The following CAPN5 variants were observed in gnomAD, a reference collection of about 807,000 sequenced individuals.
CAPN5 encodes calpain 5.
A neutral mutation model predicts 73.0 loss-of-function variants in CAPN5; 54 were observed. That is an observed-to-expected ratio of 0.74 (90% CI 0.59 to 0.93). CAPN5 has a LOEUF of 0.93. Among genes scored for constraint, CAPN5 ranks in the 40% least tolerant of loss-of-function variants. The probability of loss-of-function intolerance (pLI) is 0.00; values close to 1 mark genes in which losing one functional copy is unlikely to be tolerated. For synonymous variants in CAPN5, 335 were observed against 356.9 expected (o/e 0.94, Z 0.69); for missense variants, 785 against 882.9 (o/e 0.89, Z 1.41).
intron 1 of CAPN5, among the ~76,000 whole-genome samples, chr11:77,068,685 C>T (rs1949871318): frequency 6.6e-6 from 1 of 152,168 alleles, no homozygotes; most frequent in Admixed American, 6.5e-5. Context: ...AGAGGGCCCT[C>T]CCTTCTGCTC....
chr11:77,098,321 G>A (rs1480458696), intron 3 of CAPN5, among the ~76,000 whole-genome samples: 1 of 97,808 alleles, frequency 1.0e-5, no homozygotes, highest in African/African-American at 4.0e-5. Context: ...CTGGCCGGGC[G>A]GGGGGCTGAC....
intron 2 of CAPN5, among the ~76,000 whole-genome samples, chr11:77,085,599 G>A (rs1186122520): frequency 6.6e-6 from 1 of 152,198 alleles, no homozygotes. Context: ...CTCACAGCCT[G>A]GCAGCCAGTA....
chr11:77,076,030 G>A (rs528735277), intron 1 of CAPN5, among the ~76,000 whole-genome samples: 2 of 152,204 alleles, frequency 1.3e-5, no homozygotes, highest in African/African-American at 4.8e-5. Flanking sequence ...ATTATCACAC[G>A]CATTACCTCA....
At chr11:77,122,146 T>C in intron 11 of CAPN5, 97 bp downstream of exon 11, 1 of 687,876 alleles carries the variant, frequency 1.5e-6, no homozygotes, top group South Asian at 2.0e-5. Flanking sequence ...TCTCCTGCTC[T>C]CAGAGGCACT....
intron 2 of CAPN5, among the ~76,000 whole-genome samples, chr11:77,088,284 C>A (rs1305331614): frequency 6.6e-6 from 1 of 152,150 alleles, no homozygotes; most frequent in Non-Finnish European, 1.5e-5. Context: ...GGGACTCTTG[C>A]CCATCAAGCC....
rs1233983546 is a variant in CAPN5 at position 77,115,546 on chromosome 11, AC to A, written c.855del (p.Trp286GlyfsTer20). On this transcript the variant is annotated frameshift_variant, in exon 6 of 13. Coordinates refer to ENST00000648180, the MANE Select transcript of CAPN5 (RefSeq NM_004055.5). LOFTEE classifies it high-confidence loss of function. ...AAGTTGGACATGATCCGCCTGCGCAACCCCTGGGGCGAGCGGGAGTGGAACG... is the reference window on the plus strand; with the variant it reads ...AAGTTGGACATGATCCGCCTGCGCAACCCTGGGGCGAGCGGGAGTGGAACG... ...SEKLDMIRLR[N>X]PWGEREWNGP... 15 of 1,612,748 alleles carry A rather than the reference AC, an allele frequency of 9.3e-6. No homozygotes were observed. The highest frequency in any genetic ancestry group is 1.3e-5 in the Non-Finnish European group (15 of 1,179,876).
Position 77,122,589 on chromosome 11 carries a change from T to G in CAPN5, c.1617T>G (p.Tyr539Ter). 1 of 1,486,240 alleles carries G rather than the reference T, an allele frequency of 6.7e-7. No homozygotes were observed. The highest frequency in any genetic ancestry group is 2.8e-5 in the East Asian group (1 of 35,156). 92.1% of individuals were successfully genotyped at this position (1,486,240 alleles called of 1,614,324 possible). Residue 539 changes from tyrosine (Y) to a stop codon, truncating the protein, a stop_gained, in exon 12 of 13, where the codon TAT (tyrosine) becomes TAG (stop). Transcript: ENST00000648180. LOFTEE classifies it high-confidence loss of function. ...LKDSPTGANS[Y>*]VIIKCEGDKV... is the part of the protein sequence containing the mutation. ...CCCTCTCCCTAGGGGCTAACTCTTATGTGATCATCAAGTGTGAGGGAGACA... is the reference window on the plus strand; with the variant it reads ...CCCTCTCCCTAGGGGCTAACTCTTAGGTGATCATCAAGTGTGAGGGAGACA...
intron 8 of CAPN5, 91 bp from the exon 9 acceptor site, chr11:77,118,939 G>C (rs1555042215): frequency 2.1e-6 from 3 of 1,432,578 alleles, no homozygotes; most frequent in South Asian, 1.3e-5. Flanking sequence ...ACTGGTCCAG[G>C]CTCTGGAGTC....
chr11:77,068,547 T>A (rs1382158034), intron 1 of CAPN5, among the ~76,000 whole-genome samples: 1 of 151,972 alleles, frequency 6.6e-6, no homozygotes, highest in Non-Finnish European at 1.5e-5. Flanking sequence ...CCTGGCAGTG[T>A]GAAAATGAAT....
intron 1 of CAPN5, among the ~76,000 whole-genome samples, chr11:77,069,141 T>C (rs782195442): frequency 1.3e-5 from 2 of 152,188 alleles, no homozygotes; most frequent in Non-Finnish European, 2.9e-5. Flanking sequence ...TCTCTGTACC[T>C]TCCTACTTGC....
At chr11:77,097,237 A>G (rs940453935) in intron 3 of CAPN5, among the ~76,000 whole-genome samples, 14 of 152,110 alleles carry the variant, frequency 9.2e-5, no homozygotes, top group Admixed American at 5.9e-4. Context: ...AAAAAATTAA[A>G]AAGTGCCTCC....
At chr11:77,097,350 A>G (rs1159908110) in intron 3 of CAPN5, among the ~76,000 whole-genome samples, 1 of 152,148 alleles carries the variant, frequency 6.6e-6, no homozygotes, top group African/African-American at 2.4e-5. Flanking sequence ...CCTGAGAACC[A>G]TAGTAGGTAC....
chr11:77,102,846 G>A (rs782030478), intron 3 of CAPN5: 4 of 1,590,268 alleles, frequency 2.5e-6, no homozygotes, highest in Non-Finnish European at 2.6e-6. Context: ...GGCCATGGCG[G>A]AGGACAGGCC....
chr11:77,099,661 T>C (rs1292282145), intron 3 of CAPN5, among the ~76,000 whole-genome samples: 3 of 148,634 alleles, frequency 2.0e-5, no homozygotes, highest in East Asian at 4.0e-4. Context: ...TGAGCCGAGA[T>C]GGCAGCAGTA....
At chr11:77,073,496 A>G (rs1172807823) in intron 1 of CAPN5, among the ~76,000 whole-genome samples, 1 of 152,186 alleles carries the variant, frequency 6.6e-6, no homozygotes, top group Non-Finnish European at 1.5e-5. Flanking sequence ...CCTCTGACTC[A>G]GTCAGAGACA....
chr11:77,084,313 C>G (rs1337011054), intron 1 of CAPN5, among the ~76,000 whole-genome samples: 2 of 152,204 alleles, frequency 1.3e-5, no homozygotes, highest in African/African-American at 4.8e-5. Context: ...TTAGAGACGC[C>G]TATTCCCAAG....
rs782747584 is a variant in CAPN5 at position 77,115,420 on chromosome 11, C to T, written c.725C>T (p.Ala242Val). The change falls in exon 6 of 13, where the codon GCC (alanine) becomes GTC (valine). Residue 242 changes from alanine to valine, a missense_variant. Coordinates refer to ENST00000648180, the MANE Select transcript of CAPN5 (RefSeq NM_004055.5). ...GCAGTGACAGCAGCTGACATGGAGG[C>T]CCGCCTGGCGTGCGGCCTGGTAAAG... ...IKAVTAADME[A>V]RLACGLVKGH... 1.9e-6 allele frequency: 3 copies of T among 1,604,954 alleles called. No individual in the cohort carries two copies. The highest frequency in any genetic ancestry group is 2.2e-5 in the East Asian group (1 of 44,650).
chr11:77,077,819 T>C (rs1260635078), intron 1 of CAPN5, among the ~76,000 whole-genome samples: 1 of 152,198 alleles, frequency 6.6e-6, no homozygotes, highest in African/African-American at 2.4e-5. Flanking sequence ...CCAGCCAATG[T>C]TGAGCATTTT....
In CAPN5 at chr11:77,093,719, T is replaced by A; in HGVS notation, c.203T>A (p.Ile68Asn). ...CEDPRLFVDG[I>N]SSHDLHQGQV... ...GACCCCCGCCTCTTTGTGGATGGCA[T>A]CAGCTCCCACGACCTGCACCAGGGC... The change falls in exon 3 of 13, where the codon ATC (isoleucine) becomes AAC (asparagine). Residue 68 changes from isoleucine to asparagine, a missense_variant. Ile to Asn is a moderately radical substitution (Grantham distance 149). Transcript: ENST00000648180. The A allele has an allele frequency of 6.2e-7, 1 of 1,609,992 alleles. No homozygotes were observed. Among genetic ancestry groups the A allele is most frequent in the Non-Finnish European group, 8.5e-7 (1 of 1,179,290 alleles).
Sources: gnomAD v4.1 joint callset for allele counts (sites outside exome capture counted in the v4.1 genomes callset) on GRCh38, gnomAD v4.1.1 for gene constraint, MANE v1.5 for transcripts, NCBI Gene and HGNC (gene_info 2026-07-23, HGNC 2026-07-21) for gene names.